Variants in CYP26B1 observed in about 807,000 individuals in gnomAD.
CYP26B1 encodes cytochrome P450 26B1.
A neutral mutation model predicts 39.1 loss-of-function variants in CYP26B1; 8 were observed. The ratio of observed to expected loss-of-function variants is 0.20; its 90% CI spans 0.12 to 0.37. The LOEUF is 0.37. Among genes scored for constraint, CYP26B1 ranks in the 10% least tolerant of loss-of-function variants. CYP26B1 has a pLI of 1.00. For missense variants in CYP26B1, 615 were observed against 707.0 expected (o/e 0.87, Z 1.48); for synonymous variants, 321 against 314.3 (o/e 1.02, Z -0.23).
Position 72,147,147 on chromosome 2 carries a change from G to C in CYP26B1, c.204+484C>G, listed in dbSNP as rs780920971. ...CTGCCGACGGCGCCGCAGGAACACAGTTTTAAATCGGCAATTCAAGCTGCC... is the reference window on the plus strand; with the variant it reads ...CTGCCGACGGCGCCGCAGGAACACACTTTTAAATCGGCAATTCAAGCTGCC... On this transcript the variant is annotated intron_variant, in intron 1 of 5. Coordinates refer to ENST00000001146, the MANE Select transcript of CYP26B1 (RefSeq NM_019885.4). This position sits in a 1 kb window ranked among gnomAD's most constrained non-coding sequence, Gnocchi z 6.1. 1.3e-5 allele frequency among the ~76,000 whole-genome samples: 2 copies of C among 152,206 alleles called. No individual in the cohort carries two copies. Among genetic ancestry groups the C allele is most frequent in the Non-Finnish European group, 2.9e-5 (2 of 68,034 alleles).
In CYP26B1 at chr2:72,135,141, C is replaced by A. The variant is rs1292963637; in HGVS notation, c.705+3G>T. 2.5e-6 allele frequency: 4 copies of A among 1,612,890 alleles called. No homozygotes were observed. The highest frequency in any genetic ancestry group is 3.4e-6 in the Non-Finnish European group (4 of 1,179,958). On this transcript the variant is annotated splice_donor_region_variant and intron_variant, in intron 3 of 5. Transcript: ENST00000001146. ...CCTCTCCTCCCAGGCCCTGGGTGCT[C>A]ACCCGCCGGTAGCCACTGAAGGGCA...
rs1442631634 is a variant in CYP26B1, at chr2:72,147,810, C to A, written c.25G>T (p.Val9Leu). MLFEGLDLVSALATLAACL... is the reference protein window; with the variant it reads MLFEGLDLLSALATLAACL... ...GCGGCGAGGGTGGCCAGCGCCGACA[C>A]CAGATCCAAGCCCTCAAAGAGCATG... Residue 9 changes from valine (V) to leucine (L), a missense_variant, in exon 1 of 6, where the codon GTG becomes TTG. Transcript: ENST00000001146. The surrounding 1 kb of genome is among the most constrained non-coding windows in gnomAD (Gnocchi z 6.1). 4 of 1,547,740 alleles carry A rather than the reference C, an allele frequency of 2.6e-6. No individual in the cohort carries two copies. Among genetic ancestry groups the A allele is most frequent in the Admixed American group, 1.9e-5 (1 of 51,320 alleles).
chr2:72,140,653 C>T (rs1298844313), intron 2 of CYP26B1, among the ~76,000 whole-genome samples: 3 of 152,226 alleles, frequency 2.0e-5, no homozygotes, highest in South Asian at 4.1e-4. Flanking sequence ...CTCCTGACAC[C>T]GTCCTCCTGC....
intron 2 of CYP26B1, among the ~76,000 whole-genome samples, chr2:72,138,676 A>C (rs1375777214): frequency 6.6e-6 from 1 of 152,156 alleles, no homozygotes; most frequent in African/African-American, 2.4e-5. Flanking sequence ...AGGGGAGAGC[A>C]AGGGCACTGT....
chr2:72,133,385 C>A, intron 4 of CYP26B1, 78 bp from the exon 5 acceptor site: 3 of 1,536,420 alleles, frequency 2.0e-6, no homozygotes, highest in Non-Finnish European at 2.6e-6. Context: ...GTCAGTGGCC[C>A]GTGTGCCCAG....
In CYP26B1 at chr2:72,132,195, C is replaced by G; in HGVS notation, c.*32G>C. 6.3e-7 allele frequency: 1 copy of G among 1,587,254 alleles called. No individual in the cohort carries two copies. The highest frequency in any genetic ancestry group is 8.6e-7 in the Non-Finnish European group (1 of 1,167,846). ...ACCTCCCACAACCACCACCCCGCTG[C>G]CTGGGCTGGGCTGAGGCGGGTGGGT... On this transcript the variant is annotated 3_prime_UTR_variant, in exon 6 of 6. Transcript: ENST00000001146.
chr2:72,136,186 T>A (rs551178858), intron 2 of CYP26B1, among the ~76,000 whole-genome samples: 20 of 152,262 alleles, frequency 1.3e-4, no homozygotes, highest in Non-Finnish European at 2.4e-4. Flanking sequence ...GTCTCGCTCA[T>A]AAGCAGCAAC....
In CYP26B1 at chr2:72,135,167, G is replaced by T. The variant is rs779635850; in HGVS notation, c.682C>A (p.Leu228Met). 2.5e-6 allele frequency: 4 copies of T among 1,613,856 alleles called. No individual in the cohort carries two copies. The highest frequency in any genetic ancestry group is 1.7e-6 in the Non-Finnish European group (2 of 1,180,030). The change falls in exon 3 of 6, where the codon CTG becomes ATG. Residue 228 changes from leucine to methionine, a missense_variant. By Grantham distance (15) the Leu-to-Met change is conservative. Coordinates refer to ENST00000001146, the MANE Select transcript of CYP26B1 (RefSeq NM_019885.4). ...ACCCGCCGGTAGCCACTGAAGGGCA[G>T]GTCGACAGGCAGGGAGAAGACATTG... ...VDNVFSLPVD[L>M]PFSGYRRGIQ...
chr2:72,147,604 A>C lies in CYP26B1; in HGVS notation c.204+27T>G. The C allele has an allele frequency of 6.3e-7, 1 of 1,592,532 alleles. No homozygotes were observed. Among genetic ancestry groups the C allele is most frequent in the Non-Finnish European group, 8.5e-7 (1 of 1,171,732 alleles). Reference sequence around the variant, plus strand: ...CGCGCTCGCAGCTAGCGGACCCCGGAGTGCAGCGGAGCGAGCGCGCCCTTA... The same window carrying C: ...CGCGCTCGCAGCTAGCGGACCCCGGCGTGCAGCGGAGCGAGCGCGCCCTTA... On this transcript the variant is annotated intron_variant, in intron 1 of 5. Coordinates refer to ENST00000001146, the MANE Select transcript of CYP26B1 (RefSeq NM_019885.4). The surrounding 1 kb of genome is among the most constrained non-coding windows in gnomAD (Gnocchi z 6.1).
In CYP26B1 at chr2:72,135,062, AG is replaced by A; in HGVS notation, c.705+81del. 4 of 1,604,818 alleles carry A rather than the reference AG, an allele frequency of 2.5e-6. No individual in the cohort carries two copies. The South Asian group carries it at 4.4e-5, about 18-fold the overall frequency. On this transcript the variant is annotated intron_variant, in intron 3 of 5. Coordinates refer to ENST00000001146, the MANE Select transcript of CYP26B1 (RefSeq NM_019885.4). Reference sequence around the variant, plus strand: ...TGCCCTGTGCCTAGGTGCCCATCTCAGGGGTCAGGTCAGCCACCCACCCCCA... The same window carrying A: ...TGCCCTGTGCCTAGGTGCCCATCTCAGGGTCAGGTCAGCCACCCACCCCCA...
chr2:72,139,358 C>T (rs974162183), intron 2 of CYP26B1, among the ~76,000 whole-genome samples: 1 of 152,222 alleles, frequency 6.6e-6, no homozygotes, highest in Non-Finnish European at 1.5e-5. Context: ...ACGTCATCTT[C>T]CCAGCTGCCT....
chr2:72,142,694 AAGCCGAGGCTTCATTCTGAAGCCTAC>A (rs1676976719), intron 2 of CYP26B1, among the ~76,000 whole-genome samples: 1 of 152,140 alleles, frequency 6.6e-6, no homozygotes, highest in African/African-American at 2.4e-5. Flanking sequence ...CAACTTTGAA[AAGCCGAGGCTTCATTCTGAAGCCTAC>A]AGCCCCTTCC....
rs145347737 is a variant in CYP26B1, at chr2:72,131,867, T to C, written c.*360A>G. Reference sequence around the variant, plus strand: ...GCTCTTCCCGTCCCCCAACCCCAGCTAAAAGGGTCCGAAAGGAACGGAGGG... The same window carrying C: ...GCTCTTCCCGTCCCCCAACCCCAGCCAAAAGGGTCCGAAAGGAACGGAGGG... On this transcript the variant is annotated 3_prime_UTR_variant, in exon 6 of 6. Coordinates refer to ENST00000001146, the MANE Select transcript of CYP26B1 (RefSeq NM_019885.4). 2.5e-3 allele frequency: 613 copies of C among 244,658 alleles called. 9 individuals are homozygous for C. Among genetic ancestry groups the C allele is most frequent in the African/African-American group, 0.012 (549 of 44,424 alleles). The allele number at this position is 244,658 out of a possible 1,614,324, so 15.2% of individuals were successfully genotyped here. A position where few individuals can be genotyped will look rare whatever the true frequency, so the allele number is the denominator to read the frequency against.
chr2:72,134,872 G>A lies in CYP26B1; in HGVS notation c.750C>T (p.Ala250=). ...RQILQKGLEK[A]IREKLQCTQG... ...GTGTGCACTGCAGCTTCTCCCGGAT[G>A]GCCTTCTCCAGCCCCTTCTGCAGGA... Residue 250 remains alanine, a synonymous_variant, in exon 4 of 6, where the codon GCC becomes GCT. Transcript: ENST00000001146. The A allele has an allele frequency of 1.2e-6, 2 of 1,614,146 alleles. No homozygotes were observed. The highest frequency in any genetic ancestry group is 1.7e-6 in the Non-Finnish European group (2 of 1,180,030).
At position 72,144,194 on chromosome 2, in the gene CYP26B1, G is replaced by T; in HGVS notation, c.224C>A (p.Ser75Ter). ...WLLQGSGFQS[S>*]RREKYGNVFK... The stretch of plus-strand genomic sequence containing the variant: ...CACGTTGCCATACTTCTCCCTCCGC[G>T]ACGACTGGAAGCCAGAACCCTGCGG... Residue 75 changes from serine to a stop codon, truncating the protein, a stop_gained, in exon 2 of 6, where the codon TCG becomes TAG. Coordinates refer to ENST00000001146, the MANE Select transcript of CYP26B1 (RefSeq NM_019885.4). LOFTEE classifies it high-confidence loss of function. The T allele has an allele frequency of 6.3e-7, 1 of 1,596,200 alleles. No homozygotes were observed. Among genetic ancestry groups the T allele is most frequent in the Non-Finnish European group, 8.6e-7 (1 of 1,166,714 alleles).
At chr2:72,134,346 G>T (rs1446369786) in intron 4 of CYP26B1, among the ~76,000 whole-genome samples, 1 of 148,142 alleles carries the variant, frequency 6.8e-6, no homozygotes, top group African/African-American at 2.5e-5. Context: ...CATGCAAGGC[G>T]CCAGCAACCT....
chr2:72,144,780 C>T (rs1289482116), intron 1 of CYP26B1, among the ~76,000 whole-genome samples: 2 of 152,174 alleles, frequency 1.3e-5, no homozygotes, highest in African/African-American at 4.8e-5. Context: ...CCCAGAGCCG[C>T]GATTTTCCTA....
rs1211950654 is a variant in CYP26B1, at chr2:72,132,463, C to T, written c.1303G>A (p.Gly435Ser). 7 of 1,613,318 alleles carry T rather than the reference C, an allele frequency of 4.3e-6. No individual in the cohort carries two copies. The highest frequency in any genetic ancestry group is 4.5e-5 in the East Asian group (2 of 44,858). ...CCCAGGCAGGTCCGGACACCGCCAC[C>T]GAACGGGAGGTAATGGAAGCGGCCA... ...KDGRFHYLPF[G>S]GGVRTCLGKH... Residue 435 changes from glycine to serine, a missense_variant, in exon 6 of 6, where the codon GGT becomes AGT. By Grantham distance (56) the Gly-to-Ser change is moderately conservative. Transcript: ENST00000001146.
rs1381393343 is a variant in CYP26B1, at chr2:72,131,902, G to A, written c.*325C>T. The A allele has an allele frequency of 2.5e-6, 1 of 400,210 alleles. No individual in the cohort carries two copies. 24.8% of individuals were successfully genotyped at this position (400,210 alleles called of 1,614,324 possible). On this transcript the variant is annotated 3_prime_UTR_variant, in exon 6 of 6. Transcript: ENST00000001146. ...CGAAAGGAACGGAGGGAAGGGAGCA[G>A]TTCAGAACATCACAAAAACACTGTA...
Sources: gnomAD v4.1 joint callset for allele counts (sites outside exome capture counted in the v4.1 genomes callset) on GRCh38, gnomAD v4.1.1 for gene constraint, Gnocchi (gnomAD v3.1) non-coding constraint, MANE v1.5 for transcripts, NCBI Gene and HGNC (gene_info 2026-07-23, HGNC 2026-07-21) for gene names.